CCDC186: variants seen among roughly 807,000 people sequenced by gnomAD.
CCDC186 encodes the protein coiled-coil domain-containing protein 186.
CCDC186 carries 49 observed loss-of-function variants against 113.7 expected under a neutral mutation model. That is an observed-to-expected ratio of 0.43 (90% CI 0.34 to 0.55). The LOEUF is 0.55. CCDC186 is among the 20% of genes least tolerant of loss of function. CCDC186 has a pLI of 0.02. For synonymous variants in CCDC186, 355 were observed against 345.8 expected (o/e 1.03, Z -0.30); for missense variants, 890 against 1,011.1 (o/e 0.88, Z 1.62).
At chr10:114,136,069 A>C in intron 8 of CCDC186, 79 bp downstream of exon 8, 1 of 1,496,766 alleles carries the variant, frequency 6.7e-7, no homozygotes, top group East Asian at 2.3e-5. Context: ...CCTTAAAAGT[A>C]GATAGCAATA....
intron 6 of CCDC186, among the ~76,000 whole-genome samples, chr10:114,139,068 C>T (rs568676214): frequency 1.6e-4 from 24 of 152,322 alleles, no homozygotes; most frequent in African/African-American, 4.6e-4. Flanking sequence ...TATAGCTTCT[C>T]GATAGCGACT....
Position 114,136,217 on chromosome 10 carries a change from A to C in CCDC186, c.1356T>G (p.Leu452=), listed in dbSNP as rs1589611894. Reference sequence around the variant, plus strand: ...CTTTTGTGACTCTAAGCTTTGCATCAAGCTCATTTGATTTAATTTCTTCTG... The same window carrying C: ...CTTTTGTGACTCTAAGCTTTGCATCCAGCTCATTTGATTTAATTTCTTCTG... The part of the protein sequence containing the change: ...QESEEIKSNE[L]DAKLRVTKGE... Residue 452 remains leucine (L), a synonymous_variant, in exon 8 of 16, where the codon CTT becomes CTG. Transcript: ENST00000369287. 1 of 1,612,212 alleles carries C rather than the reference A, an allele frequency of 6.2e-7. No individual in the cohort carries two copies. The highest frequency in any genetic ancestry group is 2.2e-5 in the East Asian group (1 of 44,798).
intron 6 of CCDC186, among the ~76,000 whole-genome samples, chr10:114,142,222 TACAGA>T (rs958094176): frequency 3.9e-5 from 6 of 152,202 alleles, no homozygotes; most frequent in Non-Finnish European, 7.3e-5. Context: ...TGACCTAGTG[TACAGA>T]ACATATCATA....
In CCDC186 at chr10:114,173,637, C is replaced by A. The variant is rs112630549; in HGVS notation, c.-62+378G>T. On this transcript the variant is annotated intron_variant, in intron 1 of 15. Coordinates refer to ENST00000369287, the MANE Select transcript of CCDC186 (RefSeq NM_018017.4). ...AACTTGAGACGAAAAACGAAATAGG[C>A]GATTGAGTCTAGGAAAGATTCTCGA... 1.4e-3 allele frequency among the ~76,000 whole-genome samples: 215 copies of A among 152,306 alleles called. 2 individuals carry two copies. Among genetic ancestry groups the A allele is most frequent in the African/African-American group, 4.8e-3 (201 of 41,558 alleles).
chr10:114,173,048 C>T (rs1257231890), intron 1 of CCDC186: 5 of 350,110 alleles, frequency 1.4e-5, no homozygotes, highest in African/African-American at 1.1e-4. Flanking sequence ...TACTGAACAC[C>T]TTAGAAGACA....
chr10:114,164,270 A>G (rs902082356), intron 1 of CCDC186, among the ~76,000 whole-genome samples: 5 of 151,036 alleles, frequency 3.3e-5, no homozygotes, highest in East Asian at 3.9e-4. Flanking sequence ...ACAGGTGCCC[A>G]TCACTACACC....
At chr10:114,138,449 A>G (rs937572800) in intron 6 of CCDC186, among the ~76,000 whole-genome samples, 1 of 151,538 alleles carries the variant, frequency 6.6e-6, no homozygotes, top group African/African-American at 2.4e-5. Context: ...ATGTGCCACC[A>G]CATTCAGCTA....
rs1249677764 is a variant in CCDC186, at chr10:114,138,049, AAAAAAAAAAAAAAAAAAAAAAAAAT to A, written c.1222-784_1222-760del. Among the ~76,000 whole-genome samples the A allele has an allele frequency of 3.2e-4, 20 of 63,478 alleles. 1 individual carries two copies. The highest frequency in any genetic ancestry group is 7.2e-4 in the Admixed American group (5 of 6,900). The allele number at this position is 63,478 out of a possible 152,430, so 41.6% of individuals were successfully genotyped here. A position where few individuals can be genotyped will look rare whatever the true frequency, so the allele number is the denominator to read the frequency against. ...TGAAACTCGGTCTCAAAAAAAAAAA[AAAAAAAAAAAAAAAAAAAAAAAAAT>A]AAAAAAAATACACAAATTAGCCAGG... On this transcript the variant is annotated intron_variant, in intron 6 of 15. Transcript: ENST00000369287.
chr10:114,140,209 G>A (rs188664998), intron 6 of CCDC186, among the ~76,000 whole-genome samples: 34 of 152,322 alleles, frequency 2.2e-4, no homozygotes, highest in African/African-American at 7.5e-4. Flanking sequence ...ACATGAGAAA[G>A]TCCGGATAGA....
chr10:114,130,277 T>C (rs1270088558), intron 12 of CCDC186: 2 of 189,054 alleles, frequency 1.1e-5, no homozygotes, highest in Non-Finnish European at 2.2e-5. Context: ...TTCTTCCAAA[T>C]TTCCCTTCAA....
intron 1 of CCDC186, among the ~76,000 whole-genome samples, chr10:114,166,797 A>T (rs1470518962): frequency 6.6e-6 from 1 of 152,154 alleles, no homozygotes; most frequent in East Asian, 1.9e-4. Context: ...GAACAACAAA[A>T]ACGTGTCATC....
In CCDC186 at chr10:114,136,177, G is replaced by A. The variant is rs1419473942; in HGVS notation, c.1396C>T (p.Gln466Ter). The A allele has an allele frequency of 6.2e-7, 1 of 1,612,932 alleles. No homozygotes were observed. Among genetic ancestry groups the A allele is most frequent in the Non-Finnish European group, 8.5e-7 (1 of 1,179,728 alleles). Reference sequence around the variant, plus strand: ...AGCTGGTCAGATTTTTCTTGCATTTGTTTTTCAAGTTCTCCTTTTGTGACT... The same window carrying A: ...AGCTGGTCAGATTTTTCTTGCATTTATTTTTCAAGTTCTCCTTTTGTGACT... ...LRVTKGELEKQMQEKSDQLEM... is the reference protein window; with the variant it reads ...LRVTKGELEK Residue 466 changes from glutamine to a stop codon, truncating the protein, a stop_gained, in exon 8 of 16, where the codon CAA becomes TAA. Coordinates refer to ENST00000369287, the MANE Select transcript of CCDC186 (RefSeq NM_018017.4). LOFTEE classifies it high-confidence loss of function.
At chr10:114,163,637 C>T (rs754584695) in intron 1 of CCDC186, among the ~76,000 whole-genome samples, 12 of 152,198 alleles carry the variant, frequency 7.9e-5, no homozygotes, top group South Asian at 2.1e-4. Flanking sequence ...TAAGGAGTAA[C>T]GCTAGCAACT....
At chr10:114,156,969 C>A (rs750640379) in intron 3 of CCDC186, among the ~76,000 whole-genome samples, 1 of 152,062 alleles carries the variant, frequency 6.6e-6, no homozygotes, top group African/African-American at 2.4e-5. Flanking sequence ...CAACTCAAAT[C>A]GTCTTTTTGC....
rs1444573717 is a variant in CCDC186 at position 114,137,379 on chromosome 10, A to G, written c.1222-89T>C. On this transcript the variant is annotated intron_variant, in intron 6 of 15. Coordinates refer to ENST00000369287, the MANE Select transcript of CCDC186 (RefSeq NM_018017.4). ...CGGCAAGTAGGAAGGTTCTTGTCCT[A>G]GCACTGTCACTGAGGGGCCGATTAT... 8 of 811,476 alleles carry G rather than the reference A, an allele frequency of 9.9e-6. No individual in the cohort carries two copies. The Admixed American group carries it at 1.2e-4, about 12-fold the overall frequency. The allele number at this position is 811,476 out of a possible 1,614,324, so 50.3% of individuals were successfully genotyped here. A position where few individuals can be genotyped will look rare whatever the true frequency, so the allele number is the denominator to read the frequency against.
rs1228143760 is a variant in CCDC186 at position 114,121,387 on chromosome 10, T to G, written c.*3756A>C. ...ACATTTACATTATTAAGGATTCTATTTTTTTCTTTTACTGATAAATCTTGG... is the reference window on the plus strand; with the variant it reads ...ACATTTACATTATTAAGGATTCTATGTTTTTCTTTTACTGATAAATCTTGG... On this transcript the variant is annotated 3_prime_UTR_variant, in exon 16 of 16. Transcript: ENST00000369287. The G allele has an allele frequency of 6.6e-6, 1 of 152,202 alleles. No individual in the cohort carries two copies. The highest frequency in any genetic ancestry group is 1.9e-4 in the East Asian group (1 of 5,196). The allele number at this position is 152,202 out of a possible 1,614,324, so 9.4% of individuals were successfully genotyped here.
At chr10:114,149,830 AAGGCAGGAAGGC>A (rs2031788952) in intron 4 of CCDC186, among the ~76,000 whole-genome samples, 3 of 109,858 alleles carry the variant, frequency 2.7e-5, no homozygotes, top group African/African-American at 1.2e-4. Context: ...GGAAGGCAGG[AAGGCAGGAAGGC>A]AGGCAGGCAG....
At chr10:114,170,680 T>A (rs1038939047) in intron 1 of CCDC186, among the ~76,000 whole-genome samples, 1 of 152,200 alleles carries the variant, frequency 6.6e-6, no homozygotes, top group Non-Finnish European at 1.5e-5. Context: ...TAAAAAAGTT[T>A]CCTTTAGTTC....
chr10:114,142,640 G>A (rs761269358), intron 6 of CCDC186, among the ~76,000 whole-genome samples: 18 of 152,154 alleles, frequency 1.2e-4, no homozygotes, highest in Non-Finnish European at 2.4e-4. Context: ...GTTTCTCTTG[G>A]GTAGTCTGAT....
Sources: allele counts gnomAD v4.1 joint callset (sites outside exome capture counted in the v4.1 genomes callset), GRCh38; gene constraint gnomAD v4.1.1; transcripts MANE v1.5; gene names NCBI Gene and HGNC (gene_info 2026-07-23, HGNC 2026-07-21).